Variants in AATF observed in about 807,000 individuals in gnomAD.
AATF encodes the protein protein AATF.
Under a neutral mutation model 63.7 loss-of-function variants are expected in AATF, and 48 were observed. The observed-to-expected ratio is 0.75, with a 90% confidence interval of 0.60 to 0.96. The LOEUF is 0.96. Ranked by LOEUF, AATF falls within the 40% of genes least tolerant of loss-of-function variation. AATF has a pLI of 0.00. For synonymous variants in AATF, 258 were observed against 247.7 expected, an observed-to-expected ratio of 1.04 and a Z score of -0.39; for missense variants, 639 against 685.7, an observed-to-expected ratio of 0.93 and a Z score of 0.76.
intron 4 of AATF, among the ~76,000 whole-genome samples, chr17:36,973,548 A>G (rs537989088): frequency 6.6e-6 from 1 of 152,334 alleles, no homozygotes; most frequent in African/African-American, 2.4e-5. Context: ...TGAATTTGTT[A>G]TAGAACAGAA....
Position 37,004,310 on chromosome 17 carries a change from A to C in AATF, c.1398+13453A>C, listed in dbSNP as rs373064076. On this transcript the variant is annotated intron_variant, in intron 8 of 11. Coordinates refer to ENST00000619387, the MANE Select transcript of AATF (RefSeq NM_012138.4). ...CGCACCATTGCACTCCAGCCTAGGC[A>C]ACAAGAGCTAAACTCTGAAAAAAAA... Among the ~76,000 whole-genome samples the C allele has an allele frequency of 3.3e-5, 5 of 152,162 alleles. No homozygotes were observed. The South Asian group carries it at 1.0e-3, about 32-fold the overall frequency.
chr17:36,950,098 G>A, intron 1 of AATF, 116 bp from the exon 2 acceptor site: 2 of 1,127,012 alleles, frequency 1.8e-6, no homozygotes, highest in Non-Finnish European at 2.6e-6. Context: ...ATTCCTGGAA[G>A]TTGGTGGGGA....
chr17:37,005,991 C>T (rs528832872), intron 8 of AATF, among the ~76,000 whole-genome samples: 3 of 152,060 alleles, frequency 2.0e-5, no homozygotes, highest in African/African-American at 7.2e-5. Context: ...AAAAAGTAAC[C>T]AGGCATGGTG....
At chr17:37,052,803 C>T (rs987125742) in intron 11 of AATF, 1 of 152,242 alleles carries the variant, frequency 6.6e-6, no homozygotes, top group African/African-American at 2.4e-5. Flanking sequence ...CCAAGGACAG[C>T]TGGAAATATG....
chr17:37,020,929 T>TC lies in AATF; in HGVS notation c.1467-3dup. ...GATGCATAACATTGCTTGTGAATTT[T>TC]CCAGGCAGTGGCTTGCAATCCAGAA... On this transcript the variant is annotated splice_polypyrimidine_tract_variant and splice_region_variant and intron_variant, in intron 9 of 11. Coordinates refer to ENST00000619387, the MANE Select transcript of AATF (RefSeq NM_012138.4). 6.2e-7 allele frequency: 1 copy of TC among 1,609,518 alleles called. No individual in the cohort carries two copies. Among genetic ancestry groups the TC allele is most frequent in the Non-Finnish European group, 8.5e-7 (1 of 1,177,948 alleles).
Position 36,953,077 on chromosome 17 carries a change from A to G in AATF, c.475A>G (p.Lys159Glu), listed in dbSNP as rs963987935. 6.2e-7 allele frequency: 1 copy of G among 1,613,976 alleles called. No homozygotes were observed. Among genetic ancestry groups the G allele is most frequent in the African/African-American group, 1.3e-5 (1 of 74,904 alleles). Reference sequence around the variant, plus strand: ...TGTCCAGAGTATCAGTGACTTTGAGAAATTTACCAAGGGAATGGATGACCT... The same window carrying G: ...TGTCCAGAGTATCAGTGACTTTGAGGAATTTACCAAGGGAATGGATGACCT... ...FSVQSISDFE[K>E]FTKGMDDLGS... is the part of the protein sequence containing the mutation. Residue 159 changes from lysine (K) to glutamate (E), a missense_variant, in exon 3 of 12, where the codon AAA becomes GAA. Physicochemically the swap from Lys to Glu is moderately conservative, Grantham distance 56 (BLOSUM62 1). Coordinates refer to ENST00000619387, the MANE Select transcript of AATF (RefSeq NM_012138.4).
chr17:36,973,417 T>C (rs1472708500), intron 4 of AATF, among the ~76,000 whole-genome samples: 1 of 152,204 alleles, frequency 6.6e-6, no homozygotes, highest in African/African-American at 2.4e-5. Flanking sequence ...ACTATGCATA[T>C]GGTTTAACTT....
At chr17:36,967,897 C>CTT (rs1393716614) in intron 4 of AATF, among the ~76,000 whole-genome samples, 1 of 142,862 alleles carries the variant, frequency 7.0e-6, no homozygotes, top group Non-Finnish European at 1.5e-5. Flanking sequence ...AAACTGCAGA[C>CTT]TTTTCTTTGT....
In AATF at chr17:37,035,541, C is replaced by T. The variant is rs1176906351; in HGVS notation, c.1619+3856C>T. ...GGATTATTTGACATTGTGTTTCCAA[C>T]TTTTTTTTTTTTTTTGAGATGGAGT... On this transcript the variant is annotated intron_variant, in intron 11 of 11. Transcript: ENST00000619387. Among the ~76,000 whole-genome samples the T allele has an allele frequency of 3.5e-5, 5 of 143,104 alleles. No homozygotes were observed. The South Asian group carries it at 8.9e-4, about 25-fold the overall frequency. 93.9% of individuals were successfully genotyped at this position (143,104 alleles called of 152,430 possible). A position where few individuals can be genotyped will look rare whatever the true frequency, so the allele number is the denominator to read the frequency against.
chr17:36,949,084 C>G lies in AATF; in HGVS notation c.-42C>G. The G allele has an allele frequency of 6.6e-7, 1 of 1,508,786 alleles. No individual in the cohort carries two copies. Among genetic ancestry groups the G allele is most frequent in the Non-Finnish European group, 9.0e-7 (1 of 1,110,088 alleles). The allele number at this position is 1,508,786 out of a possible 1,614,324, so 93.5% of individuals were successfully genotyped here. Reference sequence around the variant, plus strand: ...CTTCGGGGCCGGGGGTTGGGCCGCACATTTACGTGCGCGAAGCGGAGTGGA... The same window carrying G: ...CTTCGGGGCCGGGGGTTGGGCCGCAGATTTACGTGCGCGAAGCGGAGTGGA... On this transcript the variant is annotated 5_prime_UTR_variant, in exon 1 of 12. Transcript: ENST00000619387.
chr17:37,015,756 A>G (rs1018762641), intron 8 of AATF, among the ~76,000 whole-genome samples: 15 of 152,166 alleles, frequency 9.9e-5, no homozygotes, highest in African/African-American at 3.6e-4. Context: ...TTTCCTGCCT[A>G]GGAAATTATA....
At chr17:36,962,311 A>T (rs1482893036) in intron 4 of AATF, among the ~76,000 whole-genome samples, 7 of 152,228 alleles carry the variant, frequency 4.6e-5, no homozygotes, top group Admixed American at 3.9e-4. Flanking sequence ...GCATTTATAT[A>T]ATGTAGAGAG....
rs1226946724 is a variant in AATF, at chr17:36,988,079, C to T, written c.948-440C>T. ...CTGTAATCCCAGCACTTTGGGAGGC[C>T]GAGGCAGGTGGATCACTGGAGGCCA... is the stretch of plus-strand genomic sequence containing the variant. On this transcript the variant is annotated intron_variant, in intron 5 of 11. Coordinates refer to ENST00000619387, the MANE Select transcript of AATF (RefSeq NM_012138.4). Among the ~76,000 whole-genome samples the T allele has an allele frequency of 4.6e-5, 7 of 151,990 alleles. No individual in the cohort carries two copies. In the East Asian group the frequency reaches 1.3e-3, roughly 29 times the overall value.
chr17:36,987,100 G>GCTTCAGC (rs1478617877), intron 5 of AATF, among the ~76,000 whole-genome samples: 1 of 151,612 alleles, frequency 6.6e-6, no homozygotes, highest in Non-Finnish European at 1.5e-5. Flanking sequence ...CGGTCCTCCT[G>GCTTCAGC]CTTCAGCCTC....
chr17:37,027,702 T>G (rs75124613), intron 10 of AATF, among the ~76,000 whole-genome samples: 44 of 152,310 alleles, frequency 2.9e-4, no homozygotes, highest in African/African-American at 1.0e-3. Context: ...ATTAGTGATA[T>G]GTATTTTTTT....
chr17:37,006,128 C>A (rs2071339522), intron 8 of AATF, among the ~76,000 whole-genome samples: 1 of 151,786 alleles, frequency 6.6e-6, no homozygotes, highest in Non-Finnish European at 1.5e-5. Flanking sequence ...CAGAGCAAGA[C>A]CCTGTCTCTA....
intron 8 of AATF, among the ~76,000 whole-genome samples, chr17:37,011,231 C>T (rs1426500180): frequency 1.3e-5 from 2 of 152,062 alleles, no homozygotes; most frequent in East Asian, 3.9e-4. Flanking sequence ...AAAAATTAGC[C>T]CGGCGTGGTG....
At chr17:37,026,882 T>C (rs915480303) in intron 10 of AATF, among the ~76,000 whole-genome samples, 7 of 152,186 alleles carry the variant, frequency 4.6e-5, no homozygotes, top group Admixed American at 3.3e-4. Context: ...ATGAGAATAT[T>C]ATAAACAACT....
At chr17:37,010,559 C>T (rs1376307568) in intron 8 of AATF, among the ~76,000 whole-genome samples, 1 of 152,180 alleles carries the variant, frequency 6.6e-6, no homozygotes, top group Non-Finnish European at 1.5e-5. Flanking sequence ...CAGATGGAGT[C>T]TCTGCTCTCA....
Sources: gnomAD v4.1 joint callset for allele counts (sites outside exome capture counted in the v4.1 genomes callset) on GRCh38, gnomAD v4.1.1 for gene constraint, MANE v1.5 for transcripts, NCBI Gene and HGNC (gene_info 2026-07-23, HGNC 2026-07-21) for gene names.